The following PCDHGA10 variants were observed in gnomAD, a reference collection of about 807,000 sequenced individuals.
The protein encoded by PCDHGA10 is protocadherin gamma subfamily A, 10.
Under a neutral mutation model 59.5 loss-of-function variants are expected in PCDHGA10, and 42 were observed. That is an observed-to-expected ratio of 0.71 (90% CI 0.55 to 0.91). The LOEUF is 0.91. Ranked by LOEUF, PCDHGA10 falls within the 40% of genes least tolerant of loss-of-function variation. PCDHGA10 has a pLI of 0.00. For synonymous variants in PCDHGA10, 511 were observed against 517.2 expected (o/e 0.99, Z 0.16); for missense variants, 1,111 against 1,198.2 (o/e 0.93, Z 1.07).
chr5:141,427,693 C>A, intron 1 of PCDHGA10: 2 of 909,726 alleles, frequency 2.2e-6, no homozygotes, highest in East Asian at 2.5e-5. Context: ...GCCTCCATCC[C>A]ACAAGTCAGC....
At chr5:141,444,152 ATTTTTTTTTTTTTTTTTTT>A (rs747671382) in intron 1 of PCDHGA10, among the ~76,000 whole-genome samples, 14 of 33,898 alleles carry the variant, frequency 4.1e-4, no homozygotes, top group South Asian at 3.1e-3. Flanking sequence ...TGTGTACTGG[ATTTTTTTTTTTTTTTTTTT>A]TTTTTTTTTT....
At chr5:141,478,850 A>T in intron 1 of PCDHGA10, 1 of 1,376,726 alleles carries the variant, frequency 7.3e-7, no homozygotes, top group South Asian at 1.5e-5. Context: ...AAGCTAAAAC[A>T]CAAGATCTCA....
At position 141,477,492 on chromosome 5, in the gene PCDHGA10, A is replaced by T; in HGVS notation, c.2437-17315A>T. ...AATGACAACCCTCCACAATCTTCTC[A>T]ATCTTCCTACGACGTTTACATTGAA... On this transcript the variant is annotated intron_variant, in intron 1 of 3. Coordinates refer to ENST00000398610, the MANE Select transcript of PCDHGA10 (RefSeq NM_018913.3). The surrounding 1 kb of genome is among the most constrained non-coding windows in gnomAD (Gnocchi z 4.9). The T allele has an allele frequency of 6.2e-7, 1 of 1,613,980 alleles. No individual in the cohort carries two copies. The highest frequency in any genetic ancestry group is 8.5e-7 in the Non-Finnish European group (1 of 1,179,958).
intron 1 of PCDHGA10, among the ~76,000 whole-genome samples, chr5:141,472,869 C>T (rs919331906): frequency 6.6e-6 from 1 of 151,388 alleles, no homozygotes; most frequent in Non-Finnish European, 1.5e-5. Context: ...GCCTGTATTC[C>T]CAGCTACTCG....
intron 1 of PCDHGA10, among the ~76,000 whole-genome samples, chr5:141,488,741 C>A (rs2099678972): frequency 1.3e-5 from 2 of 152,310 alleles, no homozygotes; most frequent in South Asian, 4.1e-4. Context: ...TGAAGTCATG[C>A]AGGAAGTTGC....
intron 1 of PCDHGA10, among the ~76,000 whole-genome samples, chr5:141,437,811 C>A (rs964885701): frequency 6.6e-6 from 1 of 150,864 alleles, no homozygotes; most frequent in African/African-American, 2.4e-5. Flanking sequence ...TATCTTGGCT[C>A]ACTGCAACCT....
At chr5:141,420,907 C>G (rs916293573) in intron 1 of PCDHGA10, 3 of 301,914 alleles carry the variant, frequency 9.9e-6, no homozygotes, top group Admixed American at 4.6e-5. Context: ...TCTACAAATA[C>G]GTGTGATTCA....
In PCDHGA10 at chr5:141,477,854, C is replaced by G; in HGVS notation, c.2437-16953C>G. 3.1e-6 allele frequency: 5 copies of G among 1,614,098 alleles called. No individual in the cohort carries two copies. Among genetic ancestry groups the G allele is most frequent in the Non-Finnish European group, 4.2e-6 (5 of 1,180,004 alleles). ...GCCAGGTGGGAGCTCGGTGGAGATG[C>G]TGCCTCGAGGTACCTCAGCTGGCCA... On this transcript the variant is annotated intron_variant, in intron 1 of 3. Transcript: ENST00000398610. This position sits in a 1 kb window ranked among gnomAD's most constrained non-coding sequence, Gnocchi z 4.9.
chr5:141,487,297 C>A lies in PCDHGA10; in HGVS notation c.2437-7510C>A. ...TTTGCTTTGTCTCCTTTGGCTCATT[C>A]GTGGCACTACTCTCTAAGTGTCTTC... is the stretch of plus-strand genomic sequence containing the variant. On this transcript the variant is annotated intron_variant, in intron 1 of 3. Transcript: ENST00000398610. This position sits in a 1 kb window ranked among gnomAD's most constrained non-coding sequence, Gnocchi z 5.0. 1 of 1,614,102 alleles carries A rather than the reference C, an allele frequency of 6.2e-7. No homozygotes were observed. The highest frequency in any genetic ancestry group is 8.5e-7 in the Non-Finnish European group (1 of 1,180,002).
chr5:141,509,350 G>C (rs2099876432), intron 3 of PCDHGA10, among the ~76,000 whole-genome samples: 5 of 152,142 alleles, frequency 3.3e-5, no homozygotes. Flanking sequence ...GGGCTGGCCT[G>C]GGCATCCCTG....
intron 1 of PCDHGA10, 84 bp from the exon 2 acceptor site, chr5:141,494,723 C>T: frequency 1.9e-6 from 3 of 1,606,114 alleles, no homozygotes; most frequent in Non-Finnish European, 2.6e-6. Flanking sequence ...TCCCCTCCTT[C>T]TCTCCCGGCC....
chr5:141,418,330 A>C (rs1346623372), intron 1 of PCDHGA10: 2 of 1,613,922 alleles, frequency 1.2e-6, no homozygotes, highest in Admixed American at 1.7e-5. Flanking sequence ...TTGAGTCTGC[A>C]GAAGATCCTG....
Position 141,491,405 on chromosome 5 carries a change from A to C in PCDHGA10, c.2437-3402A>C. 6.2e-7 allele frequency: 1 copy of C among 1,614,096 alleles called. No individual in the cohort carries two copies. Among genetic ancestry groups the C allele is most frequent in the Non-Finnish European group, 8.5e-7 (1 of 1,179,998 alleles). On this transcript the variant is annotated intron_variant, in intron 1 of 3. Coordinates refer to ENST00000398610, the MANE Select transcript of PCDHGA10 (RefSeq NM_018913.3). This position sits in a 1 kb window ranked among gnomAD's most constrained non-coding sequence, Gnocchi z 6.9. ...GCGAAGTGCCTTCAGGGAAACGCAG[A>C]CGGGGACGGGGGTGGAGGGCAGTGC... is the stretch of plus-strand genomic sequence containing the variant.
At chr5:141,421,435 A>G (rs775839500) in intron 1 of PCDHGA10, 3 of 1,614,108 alleles carry the variant, frequency 1.9e-6, no homozygotes, top group East Asian at 4.5e-5. Context: ...CATCGTCTCC[A>G]GAGGGAAGAC....
At chr5:141,492,952 C>T (rs1428667098) in intron 1 of PCDHGA10, among the ~76,000 whole-genome samples, 1 of 152,242 alleles carries the variant, frequency 6.6e-6, no homozygotes, top group Non-Finnish European at 1.5e-5. Context: ...GGTGACCAAA[C>T]TATCTGACAC....
In PCDHGA10 at chr5:141,489,261, A is replaced by C; in HGVS notation, c.2437-5546A>C. 6.4e-7 allele frequency: 1 copy of C among 1,551,956 alleles called. No individual in the cohort carries two copies. Among genetic ancestry groups the C allele is most frequent in the East Asian group, 2.2e-5 (1 of 44,450 alleles). Reference sequence around the variant, plus strand: ...GGGTCATGGGGCCCAAGACACTCCCACAGCTCGCTGGGAAATGGCAAGTGC... The same window carrying C: ...GGGTCATGGGGCCCAAGACACTCCCCCAGCTCGCTGGGAAATGGCAAGTGC... On this transcript the variant is annotated intron_variant, in intron 1 of 3. Coordinates refer to ENST00000398610, the MANE Select transcript of PCDHGA10 (RefSeq NM_018913.3). The surrounding 1 kb of genome is among the most constrained non-coding windows in gnomAD (Gnocchi z 4.5).
Position 141,486,697 on chromosome 5 carries a change from C to G in PCDHGA10, c.2437-8110C>G. 1 of 1,614,176 alleles carries G rather than the reference C, an allele frequency of 6.2e-7. No individual in the cohort carries two copies. The highest frequency in any genetic ancestry group is 8.5e-7 in the Non-Finnish European group (1 of 1,180,032). ...GAGATGTATCAGCTTCCTCTTTCATCTCTCTGAACCCCCAGACAGGAGCTG... is the reference window on the plus strand; with the variant it reads ...GAGATGTATCAGCTTCCTCTTTCATGTCTCTGAACCCCCAGACAGGAGCTG... On this transcript the variant is annotated intron_variant, in intron 1 of 3. Coordinates refer to ENST00000398610, the MANE Select transcript of PCDHGA10 (RefSeq NM_018913.3). The surrounding 1 kb of genome is among the most constrained non-coding windows in gnomAD (Gnocchi z 5.0).
In PCDHGA10 at chr5:141,414,400, G is replaced by C. The variant is rs768269499; in HGVS notation, c.1225G>C (p.Val409Leu). 6.2e-7 allele frequency: 1 copy of C among 1,613,878 alleles called. No individual in the cohort carries two copies. The highest frequency in any genetic ancestry group is 1.7e-5 in the Admixed American group (1 of 60,028). The change falls in exon 1 of 4, where the codon GTG becomes CTG. Residue 409 changes from valine (V) to leucine (L), a missense_variant. Coordinates refer to ENST00000398610, the MANE Select transcript of PCDHGA10 (RefSeq NM_018913.3). Reference protein sequence around the residue: ...EKSIDSYYRLVIHRALDREQV... With the variant: ...EKSIDSYYRLLIHRALDREQV... ...GTCCATTGACAGTTATTACAGATTG[G>C]TGATACACAGAGCCCTTGACAGGGA... is the stretch of plus-strand genomic sequence containing the variant.
In PCDHGA10 at chr5:141,432,076, G is replaced by A. The variant is rs1442341840; in HGVS notation, c.2436+16465G>A. The A allele has an allele frequency of 1.2e-6, 2 of 1,614,160 alleles. No homozygotes were observed. Among genetic ancestry groups the A allele is most frequent in the East Asian group, 2.2e-5 (1 of 44,872 alleles). On this transcript the variant is annotated intron_variant, in intron 1 of 3. Coordinates refer to ENST00000398610, the MANE Select transcript of PCDHGA10 (RefSeq NM_018913.3). This position sits in a 1 kb window ranked among gnomAD's most constrained non-coding sequence, Gnocchi z 6.0. ...CCCTATCCACGGAAACTCATATCTCGCTGAACGTGGCAGACACCAACGACA... is the reference window on the plus strand; with the variant it reads ...CCCTATCCACGGAAACTCATATCTCACTGAACGTGGCAGACACCAACGACA...
Sources: allele counts gnomAD v4.1 joint callset (sites outside exome capture counted in the v4.1 genomes callset), GRCh38; gene constraint gnomAD v4.1.1; non-coding constraint Gnocchi (gnomAD v3.1); transcripts MANE v1.5; gene names NCBI Gene and HGNC (gene_info 2026-07-23, HGNC 2026-07-21).